CNIH3: variants seen among roughly 807,000 people sequenced by gnomAD.
CNIH3 encodes cornichon family AMPA receptor auxiliary protein 3.
CNIH3 carries 14 observed loss-of-function variants against 24.1 expected under a neutral mutation model. The ratio of observed to expected loss-of-function variants is 0.58; its 90% CI spans 0.38 to 0.91. CNIH3 has a LOEUF of 0.91. Ranked by LOEUF, CNIH3 falls within the 40% of genes least tolerant of loss-of-function variation. The pLI, the probability that CNIH3 is intolerant of heterozygous loss-of-function variation, is 0.00. For synonymous variants in CNIH3, 68 were observed against 73.8 expected, an observed-to-expected ratio of 0.92 and a Z score of 0.40; for missense variants, 178 against 196.8, an observed-to-expected ratio of 0.90 and a Z score of 0.57.
intron 4 of CNIH3, among the ~76,000 whole-genome samples, chr1:224,731,347 C>T (rs924412150): frequency 6.6e-6 from 1 of 151,782 alleles, no homozygotes; most frequent in Non-Finnish European, 1.5e-5. Context: ...AGATTCTATT[C>T]CCTGCTAAGA....
chr1:224,560,133 A>G (rs920281431), intron 3 of CNIH3, among the ~76,000 whole-genome samples: 1 of 152,158 alleles, frequency 6.6e-6, no homozygotes, highest in African/African-American at 2.4e-5. Flanking sequence ...ACTGCTGGAC[A>G]TTTGCTTCAT....
chr1:224,494,408 G>A (rs1422562124), intron 1 of CNIH3, among the ~76,000 whole-genome samples: 1 of 152,124 alleles, frequency 6.6e-6, no homozygotes, highest in Non-Finnish European at 1.5e-5. Flanking sequence ...TGTATGTCAG[G>A]CAGAAACCAG....
At chr1:224,582,762 C>G (rs1210191605) in intron 4 of CNIH3, among the ~76,000 whole-genome samples, 1 of 152,200 alleles carries the variant, frequency 6.6e-6, no homozygotes, top group African/African-American at 2.4e-5. Context: ...TTTCTCAATA[C>G]TAAGATGGTC....
At chr1:224,585,158 A>C (rs934375822) in intron 5 of CNIH3, among the ~76,000 whole-genome samples, 5 of 152,126 alleles carry the variant, frequency 3.3e-5, no homozygotes, top group African/African-American at 1.2e-4. Context: ...ATTCTTGTTC[A>C]TGCCTCCAAG....
intron 4 of CNIH3, among the ~76,000 whole-genome samples, chr1:224,579,677 TGTC>T (rs1681190362): frequency 6.6e-6 from 1 of 152,152 alleles, no homozygotes; most frequent in African/African-American, 2.4e-5. Context: ...AAGGGATTGG[TGTC>T]GTCCTCATGG....
At chr1:224,685,641 A>G (rs906040201) in intron 3 of CNIH3, among the ~76,000 whole-genome samples, 1 of 152,246 alleles carries the variant, frequency 6.6e-6, no homozygotes, top group East Asian at 1.9e-4. Flanking sequence ...TGAGCCTTAC[A>G]TGAATAGGAC....
At chr1:224,682,736 C>T (rs1235753798) in intron 2 of CNIH3, among the ~76,000 whole-genome samples, 2 of 152,160 alleles carry the variant, frequency 1.3e-5, no homozygotes, top group African/African-American at 2.4e-5. Flanking sequence ...GTGCAGTGAG[C>T]GGCTCTAGTC....
intron 2 of CNIH3, among the ~76,000 whole-genome samples, chr1:224,526,575 T>A (rs712071): frequency 0.25 from 38,645 of 152,098 alleles, 5,724 homozygotes; most frequent in African/African-American, 0.39. Context: ...TTTTTTGCAA[T>A]GCAGCATGTA....
intron 1 of CNIH3, among the ~76,000 whole-genome samples, chr1:224,679,889 G>A (rs1156793074): frequency 1.3e-5 from 2 of 152,098 alleles, no homozygotes; most frequent in African/African-American, 4.8e-5. Context: ...AGTTGGTTAT[G>A]TCTGTTTATT....
intron 2 of CNIH3, among the ~76,000 whole-genome samples, chr1:224,524,771 T>C (rs1459367799): frequency 6.6e-6 from 1 of 152,234 alleles, no homozygotes; most frequent in Non-Finnish European, 1.5e-5. Context: ...AATAGCTCCC[T>C]GATTTTCTTT....
At chr1:224,629,761 ACT>A (rs1264404078) in intron 1 of CNIH3, among the ~76,000 whole-genome samples, 1 of 150,138 alleles carries the variant, frequency 6.7e-6, no homozygotes, top group Non-Finnish European at 1.5e-5. Context: ...TGCTGCACAG[ACT>A]CTGCTCTTTC....
chr1:224,625,639 A>C (rs1558226278), intron 1 of CNIH3, among the ~76,000 whole-genome samples: 1 of 152,208 alleles, frequency 6.6e-6, no homozygotes, highest in Non-Finnish European at 1.5e-5. Flanking sequence ...AAGGGAGGCT[A>C]ACTGAGCTTC....
In CNIH3 at chr1:224,684,784, G is replaced by T; in HGVS notation, c.151-12G>T. 6.2e-7 allele frequency: 1 copy of T among 1,613,540 alleles called. No individual in the cohort carries two copies. The highest frequency in any genetic ancestry group is 8.5e-7 in the Non-Finnish European group (1 of 1,179,468). ...ACCTCCCCTCTCATTTCTTTCTTGTGCATCCTGATAGAGGGAACGGTTGAG... is the reference window on the plus strand; with the variant it reads ...ACCTCCCCTCTCATTTCTTTCTTGTTCATCCTGATAGAGGGAACGGTTGAG... On this transcript the variant is annotated splice_polypyrimidine_tract_variant and intron_variant, in intron 2 of 5. Transcript: ENST00000272133. The surrounding 1 kb of genome is among the most constrained non-coding windows in gnomAD (Gnocchi z 4.2).
At chr1:224,628,449 C>T (rs1683650212) in intron 1 of CNIH3, among the ~76,000 whole-genome samples, 1 of 152,082 alleles carries the variant, frequency 6.6e-6, no homozygotes. Flanking sequence ...ATTCTCTCCT[C>T]CCCAAGCCCC....
At chr1:224,564,286 G>A (rs1017934051) in intron 3 of CNIH3, among the ~76,000 whole-genome samples, 2 of 152,224 alleles carry the variant, frequency 1.3e-5, no homozygotes, top group African/African-American at 4.8e-5. Flanking sequence ...AGAAGAAGGT[G>A]TCACTACCAG....
At chr1:224,442,920 A>G (rs1337925854) in intron 1 of CNIH3, among the ~76,000 whole-genome samples, 6 of 152,228 alleles carry the variant, frequency 3.9e-5, no homozygotes, top group African/African-American at 1.4e-4. Context: ...CTTTTTGGGT[A>G]TATGAAACTT....
chr1:224,506,419 T>C lies in CNIH3; in HGVS notation n.204-9322T>C, dbSNP rs138173568. Among the ~76,000 whole-genome samples, 795 of 152,382 alleles carry C rather than the reference T, an allele frequency of 5.2e-3. 4 individuals are homozygous for C. Among genetic ancestry groups the C allele is most frequent in the African/African-American group, 0.018 (755 of 41,592 alleles). ...TCCTTCCTCCTTCAGCCTTGGCTTC[T>C]GCTCTGCCAGGCCCCAGGGCCCTGC... On this transcript the variant is annotated intron_variant and non_coding_transcript_variant, in intron 1 of 5. Coordinates refer to the CNIH3 transcript ENST00000471578.
intron 1 of CNIH3, among the ~76,000 whole-genome samples, chr1:224,624,392 G>A (rs763645164): frequency 3.9e-5 from 6 of 151,914 alleles, no homozygotes; most frequent in African/African-American, 9.7e-5. Context: ...CCTGTCCCCC[G>A]ACACTGACCT....
At chr1:224,711,360 G>T in intron 3 of CNIH3, among the ~76,000 whole-genome samples, 1 of 142,356 alleles carries the variant, frequency 7.0e-6, no homozygotes, top group African/African-American at 2.6e-5. Context: ...TTGTTCTGTC[G>T]CCCAAGCTGG....
Sources: gnomAD v4.1 joint callset for allele counts (sites outside exome capture counted in the v4.1 genomes callset) on GRCh38, gnomAD v4.1.1 for gene constraint, Gnocchi (gnomAD v3.1) non-coding constraint, MANE v1.5 for transcripts, NCBI Gene and HGNC (gene_info 2026-07-23, HGNC 2026-07-21) for gene names.